The following IQGAP2 variants were observed in gnomAD, a reference collection of about 807,000 sequenced individuals.
IQGAP2 encodes the protein ras GTPase-activating-like protein IQGAP2.
IQGAP2 carries 173 observed loss-of-function variants against 201.3 expected under a neutral mutation model. The ratio of observed to expected loss-of-function variants is 0.86; its 90% CI spans 0.76 to 0.98. The LOEUF (loss-of-function observed/expected upper bound fraction) is 0.98. IQGAP2 is among the 50% of genes least tolerant of loss of function. IQGAP2 has a pLI of 0.00. For missense variants in IQGAP2, 1,687 were observed against 1,864.8 expected, an observed-to-expected ratio of 0.90 and a Z score of 1.76; for synonymous variants, 675 against 673.9, an observed-to-expected ratio of 1.00 and a Z score of -0.03.
chr5:76,703,653 C>CTT (rs1747622011), intron 35 of IQGAP2, among the ~76,000 whole-genome samples: 1 of 135,728 alleles, frequency 7.4e-6, no homozygotes, highest in Non-Finnish European at 1.6e-5. Context: ...AGTTTCTGTG[C>CTT]AAAAAAAAAA....
chr5:76,620,331 C>T (rs2150361456), intron 13 of IQGAP2, among the ~76,000 whole-genome samples: 1 of 151,630 alleles, frequency 6.6e-6, no homozygotes, highest in Non-Finnish European at 1.5e-5. Flanking sequence ...CAGAGGCGAA[C>T]ACGTGAGACT....
chr5:76,564,224 A>G (rs1451279769), intron 3 of IQGAP2, among the ~76,000 whole-genome samples: 1 of 152,240 alleles, frequency 6.6e-6, no homozygotes, highest in African/African-American at 2.4e-5. Context: ...CCAGAAAAAG[A>G]CCATCTGTAT....
chr5:76,417,425 G>A (rs933882006), intron 1 of IQGAP2, among the ~76,000 whole-genome samples: 1 of 152,118 alleles, frequency 6.6e-6, no homozygotes, highest in African/African-American at 2.4e-5. Flanking sequence ...GAGTAGCCGA[G>A]GTTACAGGCG....
At chr5:76,650,770 C>T (rs548417857) in intron 17 of IQGAP2, among the ~76,000 whole-genome samples, 111 of 152,294 alleles carry the variant, frequency 7.3e-4, no homozygotes, top group Non-Finnish European at 8.8e-4. Flanking sequence ...TATCCCTCCC[C>T]GCTCCCTTAC....
chr5:76,566,895 G>A (rs188484737), intron 3 of IQGAP2, among the ~76,000 whole-genome samples: 1 of 151,944 alleles, frequency 6.6e-6, no homozygotes, highest in African/African-American at 2.4e-5. Flanking sequence ...GGCCAGGAAG[G>A]TTTCCATGGT....
intron 22 of IQGAP2, among the ~76,000 whole-genome samples, chr5:76,668,162 T>C (rs937211588): frequency 1.3e-5 from 2 of 152,130 alleles, no homozygotes; most frequent in African/African-American, 4.8e-5. Flanking sequence ...GAATTATAAG[T>C]GTGAGCCACC....
intron 3 of IQGAP2, among the ~76,000 whole-genome samples, chr5:76,569,411 A>G (rs1744958538): frequency 6.7e-6 from 1 of 148,948 alleles, no homozygotes; most frequent in African/African-American, 2.5e-5. Context: ...GTCTATTAAA[A>G]TAAAGCTGTT....
At chr5:76,421,258 C>T (rs753318668) in intron 1 of IQGAP2, among the ~76,000 whole-genome samples, 5 of 151,996 alleles carry the variant, frequency 3.3e-5, no homozygotes, top group Non-Finnish European at 7.4e-5. Context: ...GGATTACCTC[C>T]TGGGAGGTCA....
chr5:76,659,844 A>G (rs114448634), intron 21 of IQGAP2, among the ~76,000 whole-genome samples: 2,054 of 152,226 alleles, frequency 0.013, 48 homozygotes, highest in African/African-American at 0.046. Context: ...ACAAAGACAC[A>G]CTGCCCCCGT....
At chr5:76,658,333 T>A (rs1194504857) in intron 20 of IQGAP2, 126 bp from the exon 21 acceptor site, 1 of 778,886 alleles carries the variant, frequency 1.3e-6, no homozygotes, top group Non-Finnish European at 2.1e-6. Context: ...GTAGAATGAT[T>A]CTCACCCTAG....
intron 2 of IQGAP2, among the ~76,000 whole-genome samples, chr5:76,534,208 G>A (rs957987552): frequency 2.6e-5 from 4 of 152,230 alleles, no homozygotes; most frequent in African/African-American, 9.6e-5. Context: ...AAAGCCAGTA[G>A]CATGGTGTGT....
At chr5:76,605,707 G>A (rs1308927428) in intron 11 of IQGAP2, among the ~76,000 whole-genome samples, 7 of 152,178 alleles carry the variant, frequency 4.6e-5, no homozygotes, top group Admixed American at 4.6e-4. Flanking sequence ...TATTAGGGTT[G>A]TAGTAGAAAA....
chr5:76,513,651 G>A (rs534786365), intron 2 of IQGAP2, among the ~76,000 whole-genome samples: 17 of 152,246 alleles, frequency 1.1e-4, no homozygotes, highest in African/African-American at 3.1e-4. Flanking sequence ...ACATGACACC[G>A]TGGAAAAGGC....
In IQGAP2 at chr5:76,681,769, AAGC is replaced by A. The variant is rs532527018; in HGVS notation, c.3661-1343_3661-1341del. Among the ~76,000 whole-genome samples, 13 of 152,312 alleles carry A rather than the reference AAGC, an allele frequency of 8.5e-5. No individual in the cohort carries two copies. In the East Asian group the frequency reaches 2.5e-3, roughly 29 times the overall value. On this transcript the variant is annotated intron_variant, in intron 28 of 35. Transcript: ENST00000274364. ...TGGAAGTATACCCATAAAAAATTGA[AAGC>A]AGAGTCAAAGAGTTATTTGTTCACT...
intron 1 of IQGAP2, among the ~76,000 whole-genome samples, chr5:76,427,501 G>T (rs1490688197): frequency 6.6e-6 from 1 of 152,166 alleles, no homozygotes; most frequent in African/African-American, 2.4e-5. Context: ...ATAGGATTAT[G>T]CTTGTTCCCA....
chr5:76,629,031 T>C (rs1750480644), intron 14 of IQGAP2, among the ~76,000 whole-genome samples: 1 of 152,216 alleles, frequency 6.6e-6, no homozygotes. Context: ...TGTTCTTACA[T>C]TCGGCCTGCA....
At chr5:76,626,054 A>G (rs987564356) in intron 13 of IQGAP2, among the ~76,000 whole-genome samples, 5 of 152,168 alleles carry the variant, frequency 3.3e-5, no homozygotes, top group African/African-American at 1.2e-4. Flanking sequence ...TTAAATAGGA[A>G]TATTTACCTA....
chr5:76,538,792 C>G (rs925350698), intron 2 of IQGAP2, among the ~76,000 whole-genome samples: 1 of 152,184 alleles, frequency 6.6e-6, no homozygotes, highest in African/African-American at 2.4e-5. Flanking sequence ...TGTGCCTCTC[C>G]TACTCTCTCT....
intron 32 of IQGAP2, among the ~76,000 whole-genome samples, chr5:76,696,355 G>A (rs929863113): frequency 6.6e-6 from 1 of 152,190 alleles, no homozygotes; most frequent in Admixed American, 6.5e-5. Flanking sequence ...CCTAAATGCA[G>A]TTCAGACTTG....
Sources: gnomAD v4.1 joint callset for allele counts (sites outside exome capture counted in the v4.1 genomes callset) on GRCh38, gnomAD v4.1.1 for gene constraint, MANE v1.5 for transcripts, NCBI Gene and HGNC (gene_info 2026-07-23, HGNC 2026-07-21) for gene names.